The following SBNO2 variants were observed in gnomAD, a reference collection of about 807,000 sequenced individuals.
SBNO2 encodes strawberry notch homolog 2.
Under a neutral mutation model 146.3 loss-of-function variants are expected in SBNO2, and 89 were observed. The observed-to-expected ratio is 0.61, with a 90% confidence interval of 0.51 to 0.73. The LOEUF is 0.73. Among genes scored for constraint, SBNO2 ranks in the 30% least tolerant of loss-of-function variants. The pLI, the probability that SBNO2 is intolerant of heterozygous loss-of-function variation, is 0.00. For synonymous variants in SBNO2, 1,147 were observed against 892.6 expected, an observed-to-expected ratio of 1.29 and a Z score of -5.08; for missense variants, 2,092 against 2,003.7, an observed-to-expected ratio of 1.04 and a Z score of -0.84.
rs533817594 is a variant in SBNO2, at chr19:1,152,442, G to A, written c.93+1742C>T. 5.9e-5 allele frequency among the ~76,000 whole-genome samples: 9 copies of A among 152,274 alleles called. No homozygotes were observed. The East Asian group carries it at 9.7e-4, about 16-fold the overall frequency. On this transcript the variant is annotated intron_variant, in intron 2 of 31. Transcript: ENST00000361757. The stretch of plus-strand genomic sequence containing the variant: ...TCTTGGATCGGAACAAGCTCCTGGC[G>A]GGTTTCGGGGGATGGAGCTGTTCCG...
Position 1,157,356 on chromosome 19 carries a change from C to A in SBNO2, c.-126-2954G>T, listed in dbSNP as rs1027022919. ...CGCAGCCCCGGAGACGCTCTCCCCA[C>A]GCGGCCCCGGAGACCCTCTGCCACG... On this transcript the variant is annotated intron_variant, in intron 1 of 31. Coordinates refer to ENST00000361757, the MANE Select transcript of SBNO2 (RefSeq NM_014963.3). The surrounding 1 kb of genome is among the most constrained non-coding windows in gnomAD (Gnocchi z 6.8). Among the ~76,000 whole-genome samples, 1 of 150,814 alleles carries A rather than the reference C, an allele frequency of 6.6e-6. No individual in the cohort carries two copies. The highest frequency in any genetic ancestry group is 1.5e-5 in the Non-Finnish European group (1 of 67,872).
At chr19:1,132,115 C>A (rs1439514917) in intron 4 of SBNO2, 2 of 1,537,946 alleles carry the variant, frequency 1.3e-6, no homozygotes, top group Non-Finnish European at 1.7e-6. Context: ...AAACTGCAGC[C>A]ACAGCTGCAG....
intron 1 of SBNO2, among the ~76,000 whole-genome samples, chr19:1,170,570 G>A (rs1239012627): frequency 6.6e-6 from 1 of 152,134 alleles, no homozygotes; most frequent in African/African-American, 2.4e-5. Flanking sequence ...GCCCTCGGCT[G>A]TGGAAAAAGT....
Position 1,122,273 on chromosome 19 carries a change from C to A in SBNO2, c.1015G>T (p.Gly339Cys). 1 of 1,563,938 alleles carries A rather than the reference C, an allele frequency of 6.4e-7. No homozygotes were observed. The highest frequency in any genetic ancestry group is 2.3e-5 in the East Asian group (1 of 43,784). ...AVHALSKIKY[G>C]DTTTSEGVLF... ...ACGCCCTCTGAGGTAGTGGTGTCAC[C>A]GTACTTGATCTGGGGATGCACAGAA... The change falls in exon 11 of 32, where the codon GGT (glycine) becomes TGT (cysteine). Residue 339 changes from glycine (G) to cysteine (C), a missense_variant. Coordinates refer to ENST00000361757, the MANE Select transcript of SBNO2 (RefSeq NM_014963.3).
chr19:1,122,049 T>A, intron 11 of SBNO2, 90 bp downstream of exon 11: 2 of 546,608 alleles, frequency 3.7e-6, no homozygotes, highest in Non-Finnish European at 4.8e-6. Context: ...CTCCCCTGAC[T>A]CCCACCCCTC....
chr19:1,151,854 G>C (rs540283106), intron 2 of SBNO2, among the ~76,000 whole-genome samples: 1 of 152,194 alleles, frequency 6.6e-6, no homozygotes, highest in Non-Finnish European at 1.5e-5. Flanking sequence ...GTAGAGATGG[G>C]ATTTCATCAT....
intron 5 of SBNO2, among the ~76,000 whole-genome samples, chr19:1,127,006 C>G (rs2079972993): frequency 2.0e-5 from 3 of 152,186 alleles, no homozygotes; most frequent in Admixed American, 1.3e-4. Flanking sequence ...AACCCCAGCC[C>G]CTCAGCCCCC....
intron 3 of SBNO2, among the ~76,000 whole-genome samples, chr19:1,148,232 C>A (rs985385602): frequency 6.6e-6 from 1 of 151,666 alleles, no homozygotes; most frequent in Non-Finnish European, 1.5e-5. Flanking sequence ...GGGCAGGGAC[C>A]GCCTGGGGGC....
At position 1,117,379 on chromosome 19, in the gene SBNO2, C is replaced by T; in HGVS notation, c.1648G>A (p.Ala550Thr). 4 of 1,587,232 alleles carry T rather than the reference C, an allele frequency of 2.5e-6. No homozygotes were observed. Among genetic ancestry groups the T allele is most frequent in the South Asian group, 1.2e-5 (1 of 86,626 alleles). ...TCCACCAGCCGGCGCACCTTGGCTG[C>T]GATGCACAGATACTTGAAGAAGCGC... ...HQRFFKYLCI[A>T]AKVRRLVELA... The change falls in exon 15 of 32, where the codon GCA (alanine) becomes ACA (threonine). Residue 550 changes from alanine to threonine, a missense_variant. Coordinates refer to ENST00000361757, the MANE Select transcript of SBNO2 (RefSeq NM_014963.3).
In SBNO2 at chr19:1,161,511, T is replaced by C. The variant is rs868008331; in HGVS notation, c.-126-7109A>G. On this transcript the variant is annotated intron_variant, in intron 1 of 31. Transcript: ENST00000361757. ...GGTACCTGAGCACTGGGGGTGGAGA[T>C]GGGGGTGGGGGTGCCTGAGCACTGG... Among the ~76,000 whole-genome samples the C allele has an allele frequency of 6.0e-3, 271 of 45,392 alleles. 4 individuals carry two copies. Among genetic ancestry groups the C allele is most frequent in the African/African-American group, 0.024 (254 of 10,384 alleles). 29.8% of individuals were successfully genotyped at this position (45,392 alleles called of 152,430 possible).
intron 4 of SBNO2, among the ~76,000 whole-genome samples, chr19:1,145,252 AG>A (rs990412199): frequency 2.0e-5 from 3 of 150,318 alleles, no homozygotes; most frequent in African/African-American, 7.4e-5. Flanking sequence ...GGATCACCAC[AG>A]GTCAGGAGTT....
At chr19:1,122,864 G>C in intron 8 of SBNO2, 30 bp downstream of exon 8, 1 of 1,539,824 alleles carries the variant, frequency 6.5e-7, no homozygotes, top group Non-Finnish European at 8.7e-7. Context: ...CGCGGACACA[G>C]GCTGGGCTGG....
intron 4 of SBNO2, chr19:1,132,026 T>C (rs1479561996): frequency 1.6e-6 from 2 of 1,290,162 alleles, no homozygotes; most frequent in African/African-American, 1.6e-5. Context: ...CCGTCCTGAA[T>C]GGGGTCCCAC....
chr19:1,133,646 G>A (rs1055233576), intron 4 of SBNO2, among the ~76,000 whole-genome samples: 2 of 152,100 alleles, frequency 1.3e-5, no homozygotes, highest in Non-Finnish European at 2.9e-5. Flanking sequence ...CAGGCACCCC[G>A]CCCGCCAATG....
chr19:1,140,102 A>G lies in SBNO2; in HGVS notation c.279+7207T>C, dbSNP rs2080121135. Among the ~76,000 whole-genome samples, 2 of 152,126 alleles carry G rather than the reference A, an allele frequency of 1.3e-5. No homozygotes were observed. Among genetic ancestry groups the G allele is most frequent in the African/African-American group, 4.8e-5 (2 of 41,436 alleles). On this transcript the variant is annotated intron_variant, in intron 4 of 31. Transcript: ENST00000361757. This position sits in a 1 kb window ranked among gnomAD's most constrained non-coding sequence, Gnocchi z 4.4. ...ATCACAAGGTCAGGAGATTGAGACCAGCCTGGCTAACACGGTGAAACCCCG... is the reference window on the plus strand; with the variant it reads ...ATCACAAGGTCAGGAGATTGAGACCGGCCTGGCTAACACGGTGAAACCCCG...
At chr19:1,142,902 G>T (rs141653213) in intron 4 of SBNO2, among the ~76,000 whole-genome samples, 1 of 152,122 alleles carries the variant, frequency 6.6e-6, no homozygotes, top group Non-Finnish European at 1.5e-5. Context: ...GCCAGGCAGA[G>T]GTTGCAGTTA....
chr19:1,134,125 C>G (rs1328633941), intron 4 of SBNO2, among the ~76,000 whole-genome samples: 4 of 151,756 alleles, frequency 2.6e-5, no homozygotes. Context: ...GGTGGACCCA[C>G]AGCCCATAGG....
In SBNO2 at chr19:1,136,360, G is replaced by C. The variant is rs2080084523; in HGVS notation, c.280-8595C>G. Reference sequence around the variant, plus strand: ...CTGTCAGGGTTCCGGCCAGGTGCCTGGTATGGGCCCTGGGGCCGCCGCCTC... The same window carrying C: ...CTGTCAGGGTTCCGGCCAGGTGCCTCGTATGGGCCCTGGGGCCGCCGCCTC... On this transcript the variant is annotated intron_variant, in intron 4 of 31. Coordinates refer to ENST00000361757, the MANE Select transcript of SBNO2 (RefSeq NM_014963.3). The surrounding 1 kb of genome is among the most constrained non-coding windows in gnomAD (Gnocchi z 4.2). 6.6e-6 allele frequency among the ~76,000 whole-genome samples: 1 copy of C among 152,222 alleles called. No individual in the cohort carries two copies. The highest frequency in any genetic ancestry group is 1.5e-5 in the Non-Finnish European group (1 of 68,024).
At chr19:1,124,654 A>C (rs973274603) in intron 5 of SBNO2, among the ~76,000 whole-genome samples, 2 of 152,222 alleles carry the variant, frequency 1.3e-5, no homozygotes, top group Non-Finnish European at 2.9e-5. Flanking sequence ...AGATGGGGCA[A>C]GGATGCCTGC....
Sources: allele counts gnomAD v4.1 joint callset (sites outside exome capture counted in the v4.1 genomes callset), GRCh38; gene constraint gnomAD v4.1.1; non-coding constraint Gnocchi (gnomAD v3.1); transcripts MANE v1.5; gene names NCBI Gene and HGNC (gene_info 2026-07-23, HGNC 2026-07-21).